Variants in ECE1 observed in about 807,000 individuals in gnomAD.
The protein encoded by ECE1 is endothelin converting enzyme 1.
A neutral mutation model predicts 98.6 loss-of-function variants in ECE1; 35 were observed. That is an observed-to-expected ratio of 0.35 (90% CI 0.27 to 0.47). The LOEUF (loss-of-function observed/expected upper bound fraction) is 0.47. ECE1 is among the 20% of genes least tolerant of loss of function. The probability of loss-of-function intolerance (pLI) is 1.00; values close to 1 mark genes in which losing one functional copy is unlikely to be tolerated. For synonymous variants in ECE1, 394 were observed against 407.1 expected (o/e 0.97, Z 0.39); for missense variants, 814 against 1,025.3 (o/e 0.79, Z 2.81).
chr1:21,341,807 AC>A lies in ECE1; in HGVS notation c.3+3568del, dbSNP rs201639863. Among the ~76,000 whole-genome samples the A allele has an allele frequency of 3.0e-3, 436 of 143,444 alleles. 6 individuals carry two copies. Among genetic ancestry groups the A allele is most frequent in the African/African-American group, 0.011 (418 of 38,882 alleles). The allele number at this position is 143,444 out of a possible 152,430, so 94.1% of individuals were successfully genotyped here. On this transcript the variant is annotated intron_variant, in intron 1 of 18. Transcript: ENST00000415912. ...TCTTCAAACAGTAACGCTTCTCCCT[AC>A]CTTTTTTTTTTTTAAGATAGGGTCT...
chr1:21,289,353 G>A (rs2098263934), intron 2 of ECE1, among the ~76,000 whole-genome samples: 1 of 152,168 alleles, frequency 6.6e-6, no homozygotes, highest in Non-Finnish European at 1.5e-5. Flanking sequence ...AACTGTCCCA[G>A]TGCAGCCCCC....
intron 15 of ECE1, 63 bp downstream of exon 15, chr1:21,227,868 G>A (rs993049013): frequency 6.8e-5 from 91 of 1,335,362 alleles, no homozygotes; most frequent in East Asian, 3.0e-4. Context: ...GGCTTAGGTC[G>A]TATGGGCCCC....
chr1:21,292,930 C>T (rs920754140), upstream of ECE1, among the ~76,000 whole-genome samples: 11 of 152,190 alleles, frequency 7.2e-5, no homozygotes, highest in African/African-American at 2.7e-4. Flanking sequence ...TCACTTACTG[C>T]TGGGTTGCAG....
intron 1 of ECE1, among the ~76,000 whole-genome samples, chr1:21,334,387 G>A (rs1366859245): frequency 2.0e-5 from 3 of 152,214 alleles, no homozygotes; most frequent in South Asian, 2.1e-4. Context: ...ATGAAGTGCC[G>A]CTTTCTCATG....
At chr1:21,263,357 AT>A (rs199626661) in intron 4 of ECE1, among the ~76,000 whole-genome samples, 1 of 113,140 alleles carries the variant, frequency 8.8e-6, no homozygotes, top group Non-Finnish European at 1.9e-5. Flanking sequence ...CTTTTTTTAT[AT>A]TTATTTTTTT....
At chr1:21,289,959 G>T in intron 2 of ECE1, 111 bp downstream of exon 2, 1 of 1,225,460 alleles carries the variant, frequency 8.2e-7, no homozygotes, top group Non-Finnish European at 1.0e-6. Context: ...GACGAGGGAG[G>T]GGAAGGGAGG....
rs542983609 is a variant in ECE1, at chr1:21,305,742, T to C, written c.4-15586A>G. On this transcript the variant is annotated intron_variant, in intron 1 of 18. Coordinates refer to the ECE1 transcript ENST00000415912. ...CAGGCTGGGCTCCACTCTGTGGGTTTGGGAGGGAGGGCTGCTGAGCACAGG... is the reference window on the plus strand; with the variant it reads ...CAGGCTGGGCTCCACTCTGTGGGTTCGGGAGGGAGGGCTGCTGAGCACAGG... Among the ~76,000 whole-genome samples, 89 of 152,194 alleles carry C rather than the reference T, an allele frequency of 5.8e-4. No homozygotes were observed. In the Middle Eastern group the frequency reaches 0.01, roughly 17 times the overall value.
chr1:21,296,889 T>C (rs1465048641), intron 1 of ECE1, among the ~76,000 whole-genome samples: 2 of 152,160 alleles, frequency 1.3e-5, no homozygotes, highest in Admixed American at 1.3e-4. Context: ...GACTCCCCTT[T>C]GTACCAAGGG....
At chr1:21,296,821 C>T (rs1286889684) in intron 1 of ECE1, among the ~76,000 whole-genome samples, 2 of 152,150 alleles carry the variant, frequency 1.3e-5, no homozygotes, top group African/African-American at 4.8e-5. Context: ...GGCTACGGGC[C>T]ACCCATCTGG....
chr1:21,339,767 C>G (rs542119560), intron 1 of ECE1, among the ~76,000 whole-genome samples: 120 of 152,308 alleles, frequency 7.9e-4, no homozygotes, highest in Non-Finnish European at 1.4e-3. Context: ...GAAACTTGCT[C>G]CCCTGTTTAC....
chr1:21,314,481 G>A (rs998549373), intron 1 of ECE1, among the ~76,000 whole-genome samples: 39 of 152,238 alleles, frequency 2.6e-4, no homozygotes, highest in African/African-American at 8.7e-4. Context: ...TTCCAAGGCA[G>A]GGATCGGCCC....
intron 2 of ECE1, 100 bp downstream of exon 2, chr1:21,289,970 G>T: frequency 8.1e-7 from 1 of 1,241,610 alleles, no homozygotes; most frequent in Non-Finnish European, 1.0e-6. Context: ...GGAAGGGAGG[G>T]GAAGAGGCGG....
intron 2 of ECE1, among the ~76,000 whole-genome samples, chr1:21,283,472 TGTTGGC>T (rs1431315899): frequency 6.6e-6 from 1 of 152,184 alleles, no homozygotes; most frequent in East Asian, 1.9e-4. Context: ...GGTTTCACCA[TGTTGGC>T]CAGGCTGGTC....
At chr1:21,271,973 C>T (rs567153189) in intron 4 of ECE1, among the ~76,000 whole-genome samples, 2 of 151,778 alleles carry the variant, frequency 1.3e-5, no homozygotes, top group Admixed American at 6.6e-5. Context: ...CAGTCTCGAT[C>T]CCTTTTGCTC....
intron 3 of ECE1, among the ~76,000 whole-genome samples, chr1:21,276,955 TG>T (rs1364378966): frequency 6.6e-6 from 1 of 152,196 alleles, no homozygotes; most frequent in Non-Finnish European, 1.5e-5. Flanking sequence ...TGACCTCAGG[TG>T]ATCTGTCCAT....
At chr1:21,341,535 G>A (rs1456934564) in intron 1 of ECE1, among the ~76,000 whole-genome samples, 1 of 152,234 alleles carries the variant, frequency 6.6e-6, no homozygotes, top group Non-Finnish European at 1.5e-5. Flanking sequence ...GCCCTCTCAT[G>A]CCTCAAATCC....
intron 1 of ECE1, among the ~76,000 whole-genome samples, chr1:21,344,517 C>T (rs1639458827): frequency 6.6e-6 from 1 of 152,210 alleles, no homozygotes. Flanking sequence ...CGGCCCTGGA[C>T]AAGTGGACAA....
In ECE1 at chr1:21,219,807, C is replaced by G; in HGVS notation, c.*148G>C. 9.8e-7 allele frequency: 1 copy of G among 1,018,270 alleles called. No homozygotes were observed. Among genetic ancestry groups the G allele is most frequent in the East Asian group, 2.6e-5 (1 of 38,206 alleles). 63.1% of individuals were successfully genotyped at this position (1,018,270 alleles called of 1,614,324 possible). ...TGCGGGTCACGTTGAGAGCCAACAC[C>G]ATGGGCTCGGTTCCGGCTGAAAACC... On this transcript the variant is annotated 3_prime_UTR_variant, in exon 19 of 19. Coordinates refer to ENST00000374893, the MANE Select transcript of ECE1 (RefSeq NM_001397.3). The surrounding 1 kb of genome is among the most constrained non-coding windows in gnomAD (Gnocchi z 4.5).
chr1:21,252,610 T>C (rs2098214229), intron 8 of ECE1, among the ~76,000 whole-genome samples: 1 of 152,180 alleles, frequency 6.6e-6, no homozygotes, highest in African/African-American at 2.4e-5. Flanking sequence ...CCAGAAGTAA[T>C]GGAAGAGTGT....
Sources: allele counts gnomAD v4.1 joint callset (sites outside exome capture counted in the v4.1 genomes callset), GRCh38; gene constraint gnomAD v4.1.1; non-coding constraint Gnocchi (gnomAD v3.1); transcripts MANE v1.5; gene names NCBI Gene and HGNC (gene_info 2026-07-23, HGNC 2026-07-21).